The following TMX3 variants were observed in gnomAD, a reference collection of about 807,000 sequenced individuals.
TMX3 encodes thioredoxin related transmembrane protein 3.
Under a neutral mutation model 64.4 loss-of-function variants are expected in TMX3, and 40 were observed. The ratio of observed to expected loss-of-function variants is 0.62; its 90% CI spans 0.48 to 0.81. The LOEUF (loss-of-function observed/expected upper bound fraction) is 0.81, where lower values mean the gene tolerates loss of function less well. TMX3 is among the 30% of genes least tolerant of loss of function. The probability of loss-of-function intolerance (pLI) is 0.00; values close to 1 mark genes in which losing one functional copy is unlikely to be tolerated. For missense variants in TMX3, 497 were observed against 534.5 expected (o/e 0.93, Z 0.69); for synonymous variants, 189 against 175.7 (o/e 1.08, Z -0.60).
chr18:68,691,463 T>C (rs1914517421), intron 8 of TMX3, 102 bp from the exon 9 acceptor site: 8 of 675,452 alleles, frequency 1.2e-5, no homozygotes, highest in Admixed American at 3.4e-5. Flanking sequence ...CAAACACACA[T>C]AAAAATAACA....
At position 68,675,258 on chromosome 18, in the gene TMX3, A is replaced by G. The variant is rs1175953160; in HGVS notation, c.*1675T>C. On this transcript the variant is annotated 3_prime_UTR_variant, in exon 16 of 16. Transcript: ENST00000299608. ...TGGAGAAGAATCTACTTGTTAAATT[A>G]ACAGCATTTATCTCTGGTTTCCACT... 6.6e-6 allele frequency: 1 copy of G among 152,158 alleles called. No homozygotes were observed. Among genetic ancestry groups the G allele is most frequent in the East Asian group, 1.9e-4 (1 of 5,200 alleles). The allele number at this position is 152,158 out of a possible 1,614,324, so 9.4% of individuals were successfully genotyped here.
chr18:68,697,239 T>C lies in TMX3; in HGVS notation c.557A>G (p.Glu186Gly). 6.4e-7 allele frequency: 1 copy of C among 1,570,302 alleles called. No homozygotes were observed. The highest frequency in any genetic ancestry group is 8.7e-7 in the Non-Finnish European group (1 of 1,153,420). The stretch of plus-strand genomic sequence containing the variant: ...TTTAAATATTACCTCAGGAACCACT[T>C]CTTCTGAGGCAGAAAAGAAGTATGT... ...VYTYFFSASE[E>G]VVPEYVTLKE... The change falls in exon 8 of 16, where the codon GAA becomes GGA. Residue 186 changes from glutamate to glycine, a missense_variant. Transcript: ENST00000299608.
intron 10 of TMX3, among the ~76,000 whole-genome samples, chr18:68,685,758 T>A (rs761560429): frequency 2.6e-5 from 4 of 152,146 alleles, no homozygotes; most frequent in Non-Finnish European, 4.4e-5. Context: ...AAATGTCCCA[T>A]TAAAAATAAG....
chr18:68,701,053 A>T, intron 5 of TMX3: 1 of 971,526 alleles, frequency 1.0e-6, no homozygotes, highest in Non-Finnish European at 1.2e-6. Context: ...AGCACAACAG[A>T]ATACCTACAA....
rs1912730624 is a variant in TMX3, at chr18:68,674,001, A to C, written c.*2932T>G. Reference sequence around the variant, plus strand: ...CCTGTCCTAACTCCATGTCGTATGAAGCAATGATGAAAATATGTTACTTTT... The same window carrying C: ...CCTGTCCTAACTCCATGTCGTATGACGCAATGATGAAAATATGTTACTTTT... On this transcript the variant is annotated 3_prime_UTR_variant, in exon 16 of 16. Coordinates refer to ENST00000299608, the MANE Select transcript of TMX3 (RefSeq NM_019022.5). 6.6e-6 allele frequency: 1 copy of C among 151,606 alleles called. No individual in the cohort carries two copies. The highest frequency in any genetic ancestry group is 2.1e-4 in the South Asian group (1 of 4,824). 9.4% of individuals were successfully genotyped at this position (151,606 alleles called of 1,614,324 possible). A position where few individuals can be genotyped will look rare whatever the true frequency, so the allele number is the denominator to read the frequency against.
chr18:68,713,812 A>AAAT (rs1422011571), intron 2 of TMX3, 34 bp downstream of exon 2: 1 of 1,134,616 alleles, frequency 8.8e-7, no homozygotes. Context: ...TGGACAGTTA[A>AAAT]AATAATATTT....
rs1441430232 is a variant in TMX3 at position 68,675,391 on chromosome 18, T to G, written c.*1542A>C. 1 of 152,136 alleles carries G rather than the reference T, an allele frequency of 6.6e-6. No homozygotes were observed. The highest frequency in any genetic ancestry group is 2.4e-5 in the African/African-American group (1 of 41,436). 9.4% of individuals were successfully genotyped at this position (152,136 alleles called of 1,614,324 possible). ...AACACTAAGAATAGGTATTTAATTA[T>G]TAAATACTAAAAGAGTACATGGATA... On this transcript the variant is annotated 3_prime_UTR_variant, in exon 16 of 16. Coordinates refer to ENST00000299608, the MANE Select transcript of TMX3 (RefSeq NM_019022.5).
At chr18:68,703,665 G>T (rs2030354278) in intron 4 of TMX3, among the ~76,000 whole-genome samples, 1 of 152,188 alleles carries the variant, frequency 6.6e-6, no homozygotes, top group Non-Finnish European at 1.5e-5. Context: ...GGGAATGACA[G>T]TATAACATTT....
chr18:68,701,662 A>T (rs1361419523), intron 5 of TMX3, 83 bp downstream of exon 5: 1 of 1,589,236 alleles, frequency 6.3e-7, no homozygotes, highest in Non-Finnish European at 8.6e-7. Flanking sequence ...TCCTCCAGGG[A>T]ATCTACTAGA....
chr18:68,701,510 T>A (rs554814848), intron 5 of TMX3: 4 of 808,696 alleles, frequency 4.9e-6, no homozygotes, highest in Non-Finnish European at 7.6e-6. Flanking sequence ...TCCTGCACAG[T>A]GCGTGTCACA....
intron 1 of TMX3, among the ~76,000 whole-genome samples, 160 bp downstream of exon 1, chr18:68,714,776 G>A (rs1181458418): frequency 6.6e-6 from 1 of 152,246 alleles, no homozygotes; most frequent in Non-Finnish European, 1.5e-5. Context: ...GTCAGGGCCA[G>A]GCAGGGTGGC....
At position 68,687,414 on chromosome 18, in the gene TMX3, T is replaced by C. The variant is rs183079408; in HGVS notation, c.736+253A>G. ...GTTGGTTATTTTTCTCACTCTCTTA[T>C]TACCCAGGCTTTTTGTTTTCCTTAT... On this transcript the variant is annotated intron_variant, in intron 10 of 15. Transcript: ENST00000299608. The C allele has an allele frequency of 1.5e-4, 143 of 985,410 alleles. 1 individual carries two copies. In the African/African-American group the frequency reaches 2.3e-3, roughly 16 times the overall value. 61.0% of individuals were successfully genotyped at this position (985,410 alleles called of 1,614,324 possible).
At chr18:68,699,549 A>G (rs1426220840) in intron 6 of TMX3, among the ~76,000 whole-genome samples, 2 of 152,198 alleles carry the variant, frequency 1.3e-5, no homozygotes, top group Non-Finnish European at 2.9e-5. Flanking sequence ...AATTTGAGAC[A>G]GTATTGTGCC....
In TMX3 at chr18:68,676,618, T is replaced by A. The variant is rs1337272474; in HGVS notation, c.*315A>T. 2 of 264,872 alleles carry A rather than the reference T, an allele frequency of 7.6e-6. No individual in the cohort carries two copies. The highest frequency in any genetic ancestry group is 1.4e-5 in the Non-Finnish European group (2 of 140,304). The allele number at this position is 264,872 out of a possible 1,614,324, so 16.4% of individuals were successfully genotyped here. On this transcript the variant is annotated 3_prime_UTR_variant, in exon 16 of 16. Transcript: ENST00000299608. The stretch of plus-strand genomic sequence containing the variant: ...CTACCTGACTGACCAATTTAAATAT[T>A]CTGCCCAAGAATCTTAACTTTTTGT...
At chr18:68,714,570 G>GACTCGGAACCTAAAGCC in intron 1 of TMX3, 1 of 336,536 alleles carries the variant, frequency 3.0e-6, no homozygotes, top group Non-Finnish European at 5.5e-6. Flanking sequence ...AACGTGACAA[G>GACTCGGAACCTAAAGCC]ACTCGGAACC....
At chr18:68,697,549 G>T in intron 7 of TMX3, 1 of 355,168 alleles carries the variant, frequency 2.8e-6, no homozygotes, top group Non-Finnish European at 5.0e-6. Flanking sequence ...AGTTCAATTT[G>T]TATGTATTCA....
At chr18:68,708,568 C>T (rs558503300) in intron 4 of TMX3, among the ~76,000 whole-genome samples, 3 of 152,116 alleles carry the variant, frequency 2.0e-5, no homozygotes, top group African/African-American at 7.2e-5. Flanking sequence ...CCACCCACAA[C>T]AGCAGGCTCC....
chr18:68,704,034 T>G (rs771360596), intron 4 of TMX3, among the ~76,000 whole-genome samples: 2 of 152,088 alleles, frequency 1.3e-5, no homozygotes, highest in Admixed American at 6.6e-5. Flanking sequence ...TTATCGCCTA[T>G]GTAACTCTGG....
chr18:68,687,668 T>C lies in TMX3; in HGVS notation c.735A>G (p.Thr245=). 6.9e-6 allele frequency: 11 copies of C among 1,605,434 alleles called. No homozygotes were observed. Among genetic ancestry groups the C allele is most frequent in the Non-Finnish European group, 9.3e-6 (11 of 1,176,762 alleles). The stretch of plus-strand genomic sequence containing the variant: ...GAGACTTGTACATATGCTTGTTACC[T>C]GTGTCTCCAAGTTCATACAAGAGGA... The part of the protein sequence containing the change: ...DGFLLYELGD[T]GKLVALAVID... Residue 245 remains threonine, a splice_region_variant and synonymous_variant, in exon 10 of 16, where the codon ACA becomes ACG. Coordinates refer to ENST00000299608, the MANE Select transcript of TMX3 (RefSeq NM_019022.5).
Sources: allele counts gnomAD v4.1 joint callset (sites outside exome capture counted in the v4.1 genomes callset), GRCh38; gene constraint gnomAD v4.1.1; transcripts MANE v1.5; gene names NCBI Gene and HGNC (gene_info 2026-07-23, HGNC 2026-07-21).